Variants in CDKN2B-AS1 observed in about 807,000 individuals in gnomAD.
CDKN2B-AS1 encodes the protein CDKN2B and CDKN2A antisense cis and trans regulatory RNA 1.
chr9:22,024,380 G>A (rs537436058), intron 1 of CDKN2B-AS1, among the ~76,000 whole-genome samples: 1 of 152,300 alleles, frequency 6.6e-6, no homozygotes, highest in East Asian at 1.9e-4. Context: ...CCTCCCTGCA[G>A]GCATTCACCA....
chr9:22,015,529 G>T (rs1049179440), intron 1 of CDKN2B-AS1, among the ~76,000 whole-genome samples: 1 of 152,036 alleles, frequency 6.6e-6, no homozygotes, highest in Non-Finnish European at 1.5e-5. Context: ...AATTGGGATT[G>T]TGTGGAATTT....
At chr9:22,080,704 CTT>C (rs918965535) in intron 4 of CDKN2B-AS1, among the ~76,000 whole-genome samples, 1 of 152,198 alleles carries the variant, frequency 6.6e-6, no homozygotes, top group Non-Finnish European at 1.5e-5. Flanking sequence ...CTGTTGAAGG[CTT>C]TTTGTAAGGT....
chr9:22,085,840 G>A (rs1458370666), intron 4 of CDKN2B-AS1, among the ~76,000 whole-genome samples: 1 of 151,506 alleles, frequency 6.6e-6, no homozygotes, highest in Non-Finnish European at 1.5e-5. Context: ...GGTCTCCTGT[G>A]CCAAATGTCT....
At chr9:22,088,526 A>G (rs1406454029) in intron 4 of CDKN2B-AS1, among the ~76,000 whole-genome samples, 1 of 152,180 alleles carries the variant, frequency 6.6e-6, no homozygotes, top group Non-Finnish European at 1.5e-5. Flanking sequence ...AGCATTCTGT[A>G]TATTTTACAT....
intron 4 of CDKN2B-AS1, among the ~76,000 whole-genome samples, chr9:22,098,157 C>CTCTGTG (rs759788632): frequency 2.1e-5 from 3 of 146,016 alleles, no homozygotes; most frequent in African/African-American, 7.4e-5. Flanking sequence ...CTCTCTGTCT[C>CTCTGTG]TGTGTGTGTG....
At chr9:22,017,860 T>A (rs993658804) in intron 1 of CDKN2B-AS1, among the ~76,000 whole-genome samples, 2 of 147,618 alleles carry the variant, frequency 1.4e-5, no homozygotes, top group Non-Finnish European at 3.0e-5. Context: ...CTGAAACAAC[T>A]TTATGCTTGA....
At chr9:22,043,261 G>A (rs73652846) in intron 1 of CDKN2B-AS1, among the ~76,000 whole-genome samples, 7,125 of 151,992 alleles carry the variant, frequency 0.047, 382 homozygotes, top group East Asian at 0.18. Context: ...TTTTCTCCAT[G>A]GATTTTAGTC....
chr9:22,071,773 C>T (rs896527088), intron 4 of CDKN2B-AS1, among the ~76,000 whole-genome samples: 1 of 152,104 alleles, frequency 6.6e-6, no homozygotes, highest in African/African-American at 2.4e-5. Flanking sequence ...TTCAACTTCA[C>T]AAATATTTAC....
chr9:22,083,524 G>A (rs189474199), intron 4 of CDKN2B-AS1, among the ~76,000 whole-genome samples: 2 of 152,140 alleles, frequency 1.3e-5, no homozygotes, highest in African/African-American at 4.8e-5. Context: ...TTTTATTTTT[G>A]AATGAAGATT....
intron 4 of CDKN2B-AS1, among the ~76,000 whole-genome samples, chr9:22,109,299 T>C (rs1267675225): frequency 6.6e-6 from 1 of 152,210 alleles, no homozygotes; most frequent in Non-Finnish European, 1.5e-5. Context: ...TATGAGCTTT[T>C]ATTTAATTGT....
chr9:22,038,627 T>G (rs1011502804), intron 1 of CDKN2B-AS1, among the ~76,000 whole-genome samples: 1 of 151,978 alleles, frequency 6.6e-6, no homozygotes, highest in African/African-American at 2.4e-5. Context: ...TCCTTTTACT[T>G]TTTCTTTTTT....
At chr9:22,093,847 T>G (rs1472132889) in intron 4 of CDKN2B-AS1, among the ~76,000 whole-genome samples, 10 of 144,540 alleles carry the variant, frequency 6.9e-5, no homozygotes, top group Admixed American at 6.7e-4. Flanking sequence ...TGTGTGAATT[T>G]GATCCTGTCA....
chr9:21,998,299 A>C (rs1820774366), intron 1 of CDKN2B-AS1, among the ~76,000 whole-genome samples: 4 of 152,340 alleles, frequency 2.6e-5, no homozygotes, highest in South Asian at 4.1e-4. Flanking sequence ...TCAAAAAATT[A>C]ATAATGAAGA....
At chr9:22,022,332 G>A (rs1188506130) in intron 1 of CDKN2B-AS1, among the ~76,000 whole-genome samples, 7 of 151,870 alleles carry the variant, frequency 4.6e-5, no homozygotes, top group Admixed American at 3.9e-4. Flanking sequence ...GAATCTGGGT[G>A]TTCCTGTGTT....
intron 4 of CDKN2B-AS1, among the ~76,000 whole-genome samples, chr9:22,062,753 T>G (rs934680904): frequency 2.8e-5 from 4 of 141,086 alleles, no homozygotes; most frequent in African/African-American, 1.0e-4. Context: ...TATTGTGTAG[T>G]TTTTTTTTTA....
intron 4 of CDKN2B-AS1, among the ~76,000 whole-genome samples, chr9:22,102,873 T>C (rs1191638247): frequency 6.6e-6 from 1 of 152,140 alleles, no homozygotes; most frequent in Non-Finnish European, 1.5e-5. Flanking sequence ...TTTATCAGCA[T>C]TAGAAAGCCA....
intron 4 of CDKN2B-AS1, among the ~76,000 whole-genome samples, chr9:22,089,711 A>C (rs971118146): frequency 6.6e-6 from 1 of 152,034 alleles, no homozygotes; most frequent in African/African-American, 2.4e-5. Context: ...CAGCCTCCCA[A>C]AGTGCTGGAG....
intron 4 of CDKN2B-AS1, among the ~76,000 whole-genome samples, chr9:22,096,724 G>A (rs1825288996): frequency 6.6e-6 from 1 of 152,062 alleles, no homozygotes; most frequent in South Asian, 2.1e-4. Flanking sequence ...CAATCACACG[G>A]AACTATGTGG....
intron 4 of CDKN2B-AS1, among the ~76,000 whole-genome samples, chr9:22,098,255 T>A (rs1167796564): frequency 1.3e-5 from 2 of 151,528 alleles, no homozygotes; most frequent in African/African-American, 4.8e-5. Context: ...CATTTATATG[T>A]GTATATGTAT....
Sources: gnomAD v4.1 joint callset for allele counts (sites outside exome capture counted in the v4.1 genomes callset) on GRCh38, gnomAD v4.1.1 for gene constraint, MANE v1.5 for transcripts, NCBI Gene and HGNC (gene_info 2026-07-23, HGNC 2026-07-21) for gene names.